PCDHAC2: variants seen among roughly 807,000 people sequenced by gnomAD.
PCDHAC2 encodes protocadherin alpha-C2.
Under a neutral mutation model 63.3 loss-of-function variants are expected in PCDHAC2, and 24 were observed. The observed-to-expected ratio is 0.38, with a 90% CI of 0.27 to 0.53. PCDHAC2 has a LOEUF of 0.53. Among genes scored for constraint, PCDHAC2 ranks in the 20% least tolerant of loss-of-function variants. PCDHAC2 has a pLI of 0.81. For missense variants in PCDHAC2, 1,181 were observed against 1,275.2 expected, an observed-to-expected ratio of 0.93 and a Z score of 1.12; for synonymous variants, 569 against 529.4, an observed-to-expected ratio of 1.07 and a Z score of -1.03.
At chr5:141,003,143 ACT>A (rs1162243146) in intron 3 of PCDHAC2, among the ~76,000 whole-genome samples, 1 of 152,180 alleles carries the variant, frequency 6.6e-6, no homozygotes, top group East Asian at 1.9e-4. Context: ...CTTGGCAAAG[ACT>A]CTGACCTGAT....
At position 140,997,438 on chromosome 5, in the gene PCDHAC2, A is replaced by G. The variant is rs182158337; in HGVS notation, c.2714-12189A>G. ...CTCCTAGGCTACAAACCTGTATATC[A>G]TGTTACTATACTGAATACTGTAGGC... On this transcript the variant is annotated intron_variant, in intron 3 of 3. Transcript: ENST00000289269. Among the ~76,000 whole-genome samples, 274 of 152,308 alleles carry G rather than the reference A, an allele frequency of 1.8e-3. 2 individuals are homozygous for G. The highest frequency in any genetic ancestry group is 6.0e-3 in the African/African-American group (248 of 41,560).
chr5:140,988,526 G>C (rs1330767394), intron 3 of PCDHAC2, among the ~76,000 whole-genome samples: 2 of 152,088 alleles, frequency 1.3e-5, no homozygotes, highest in Admixed American at 1.3e-4. Flanking sequence ...GTCTCTGCTG[G>C]CTCCATCCAT....
At chr5:141,003,178 A>C (rs2098114996) in intron 3 of PCDHAC2, among the ~76,000 whole-genome samples, 1 of 152,180 alleles carries the variant, frequency 6.6e-6, no homozygotes, top group East Asian at 1.9e-4. Context: ...CTGAGGCTCA[A>C]CTCCATCAAC....
chr5:140,976,414 G>A (rs1242756697), intron 1 of PCDHAC2, among the ~76,000 whole-genome samples: 2 of 151,998 alleles, frequency 1.3e-5, no homozygotes, highest in African/African-American at 2.4e-5. Context: ...AGCCAGGTAC[G>A]GTGGCAGATG....
chr5:140,993,523 CAG>C (rs111789518), intron 3 of PCDHAC2, among the ~76,000 whole-genome samples: 1,510 of 145,458 alleles, frequency 0.01, 24 homozygotes, highest in African/African-American at 0.035. Flanking sequence ...GAGAGAGAGA[CAG>C]AGAGAGAGAG....
intron 3 of PCDHAC2, among the ~76,000 whole-genome samples, chr5:140,984,251 T>C (rs1164028325): frequency 6.6e-6 from 1 of 152,210 alleles, no homozygotes; most frequent in Non-Finnish European, 1.5e-5. Flanking sequence ...GTCGACCTGG[T>C]AAGCCACAAA....
rs190283736 is a variant in PCDHAC2 at position 140,986,671 on chromosome 5, A to G, written c.2713+4108A>G. 1.7e-3 allele frequency among the ~76,000 whole-genome samples: 261 copies of G among 152,322 alleles called. 3 individuals carry two copies. The highest frequency in any genetic ancestry group is 2.2e-4 in the Non-Finnish European group (15 of 68,018). ...GTGGGAGATGCTCACAGTTTTCAGA[A>G]GAGTTCAGAAAGTTTCAAAACACAC... On this transcript the variant is annotated intron_variant, in intron 3 of 3. Coordinates refer to ENST00000289269, the MANE Select transcript of PCDHAC2 (RefSeq NM_018899.6).
In PCDHAC2 at chr5:141,007,955, C is replaced by T. The variant is rs192197811; in HGVS notation, c.2714-1672C>T. ...CTAAGCCACCTTTTTGAGAACTGCT[C>T]ATTCTCTGGGTGTCTGTCATGTATA... On this transcript the variant is annotated intron_variant, in intron 3 of 3. Transcript: ENST00000289269. 2.6e-5 allele frequency among the ~76,000 whole-genome samples: 4 copies of T among 152,294 alleles called. No homozygotes were observed. In the East Asian group the frequency reaches 7.7e-4, roughly 29 times the overall value.
In PCDHAC2 at chr5:140,993,462, T is replaced by C. The variant is rs540334246; in HGVS notation, c.2713+10899T>C. ...CATTCCTGTTCTCCTTCTTTCTTTCTCACACACACACACACACACACACAC... is the reference window on the plus strand; with the variant it reads ...CATTCCTGTTCTCCTTCTTTCTTTCCCACACACACACACACACACACACAC... On this transcript the variant is annotated intron_variant, in intron 3 of 3. Transcript: ENST00000289269. Among the ~76,000 whole-genome samples the C allele has an allele frequency of 4.2e-3, 597 of 141,044 alleles. 4 individuals are homozygous for C. Among genetic ancestry groups the C allele is most frequent in the African/African-American group, 0.015 (577 of 37,966 alleles). 92.5% of individuals were successfully genotyped at this position (141,044 alleles called of 152,430 possible).
Position 140,968,527 on chromosome 5 carries a change from G to T in PCDHAC2, c.1761G>T (p.Ser587=). 3.1e-6 allele frequency: 5 copies of T among 1,614,142 alleles called. No homozygotes were observed. Among genetic ancestry groups the T allele is most frequent in the Non-Finnish European group, 4.2e-6 (5 of 1,180,036 alleles). The change falls in exon 1 of 4, where the codon TCG becomes TCT. Residue 587 remains serine (S), a synonymous_variant. Transcript: ENST00000289269. ...PHILYPTSTN[S]SAAFEMVPRT... ...TTCTGTACCCTACCTCAACCAACTC[G>T]TCAGCAGCCTTCGAGATGGTGCCTC...
intron 3 of PCDHAC2, among the ~76,000 whole-genome samples, chr5:140,995,073 C>A (rs2097663037): frequency 6.6e-6 from 1 of 152,180 alleles, no homozygotes; most frequent in Non-Finnish European, 1.5e-5. Context: ...CAACCTACAG[C>A]AATCCAAACT....
intron 3 of PCDHAC2, among the ~76,000 whole-genome samples, chr5:140,985,406 GA>G (rs1554247033): frequency 6.6e-6 from 1 of 152,136 alleles, no homozygotes; most frequent in Non-Finnish European, 1.5e-5. Flanking sequence ...TGTTCCCCTG[GA>G]AATGGAGTGA....
chr5:141,010,052 A>G lies in PCDHAC2; in HGVS notation c.*115A>G. The stretch of plus-strand genomic sequence containing the variant: ...CTACATGAGCCCTCTTAGAGACCTC[A>G]GAAATCTGCAGAAAGTTCCCTGTGT... On this transcript the variant is annotated 3_prime_UTR_variant, in exon 4 of 4. Coordinates refer to ENST00000289269, the MANE Select transcript of PCDHAC2 (RefSeq NM_018899.6). The G allele has an allele frequency of 1.3e-6, 2 of 1,598,970 alleles. No homozygotes were observed. Among genetic ancestry groups the G allele is most frequent in the Non-Finnish European group, 1.7e-6 (2 of 1,172,814 alleles).
chr5:140,967,779 C>G lies in PCDHAC2; in HGVS notation c.1013C>G (p.Thr338Ser). The change falls in exon 1 of 4, where the codon ACT becomes AGT. Residue 338 changes from threonine (T) to serine (S), a missense_variant. By Grantham distance (58) the Thr-to-Ser change is moderately conservative (BLOSUM62 1). This residue lies in a region of PCDHAC2 where 968 missense variants were observed against 1,073.5 expected (regional missense o/e 0.90). Transcript: ENST00000289269. ...TCCTACCAGATCTATGTGCAGGCGA[C>G]TGACCGGGGTCCAGTGCCCATGGCA... ...ASSYQIYVQA[T>S]DRGPVPMAGH... 6.2e-7 allele frequency: 1 copy of G among 1,614,222 alleles called. No individual in the cohort carries two copies. Among genetic ancestry groups the G allele is most frequent in the Non-Finnish European group, 8.5e-7 (1 of 1,180,048 alleles).
chr5:140,969,276 G>T lies in PCDHAC2; in HGVS notation c.2510G>T (p.Gly837Val). 1 of 1,614,202 alleles carries T rather than the reference G, an allele frequency of 6.2e-7. No homozygotes were observed. Among genetic ancestry groups the T allele is most frequent in the Non-Finnish European group, 8.5e-7 (1 of 1,180,030 alleles). ...AGCAGGAATCTCACAGGCCAAAGTGGTCAGAATGCTGGGAACCTGATTATT... is the reference window on the plus strand; with the variant it reads ...AGCAGGAATCTCACAGGCCAAAGTGTTCAGAATGCTGGGAACCTGATTATT... Reference protein sequence around the residue: ...TDSRNLTGQSGQNAGNLIILK... With the variant: ...TDSRNLTGQSVQNAGNLIILK... Residue 837 changes from glycine to valine, a missense_variant, in exon 1 of 4, where the codon GGT becomes GTT. By Grantham distance (109) the Gly-to-Val change is moderately radical (BLOSUM62 -3). Around this residue, in one of 3 missense-constraint regions of PCDHAC2, gnomAD observed 968 missense variants for 1,073.5 expected, o/e 0.90. Transcript: ENST00000289269.
In PCDHAC2 at chr5:140,967,305, A is replaced by G. The variant is rs782005994; in HGVS notation, c.539A>G (p.Asn180Ser). The change falls in exon 1 of 4, where the codon AAC becomes AGC. Residue 180 changes from asparagine (N) to serine (S), a missense_variant. By Grantham distance (46) the Asn-to-Ser change is conservative (BLOSUM62 1). Transcript: ENST00000289269. ...GCGCAGGACCCCGACGTGGGCGCCA[A>G]CTCAGTACAGACCTACGAGCTCAGC... ...ESAQDPDVGA[N>S]SVQTYELSPS... The G allele has an allele frequency of 5.7e-5, 92 of 1,612,346 alleles. 1 individual carries two copies. The South Asian group carries it at 9.7e-4, about 17-fold the overall frequency.
chr5:140,980,819 A>C (rs1178317133), intron 2 of PCDHAC2, among the ~76,000 whole-genome samples: 1 of 152,216 alleles, frequency 6.6e-6, no homozygotes, highest in East Asian at 1.9e-4. Context: ...TGAACATATT[A>C]AATGAGTTGT....
chr5:141,009,892 G>GTTT lies in PCDHAC2; in HGVS notation c.2979_2980insTTT (p.Glu993_Lys994insPhe). 6.2e-7 allele frequency: 1 copy of GTTT among 1,612,140 alleles called. No individual in the cohort carries two copies. Among genetic ancestry groups the GTTT allele is most frequent in the Non-Finnish European group, 8.5e-7 (1 of 1,179,578 alleles). ...AGAAGAAGGGTAACAAGACCCAGGAGAAAAAAGAGAAAGGGAACAGCACGA... is the reference window on the plus strand; with the variant it reads ...AGAAGAAGGGTAACAAGACCCAGGAGTTTAAAAAAGAGAAAGGGAACAGCACGA... On this transcript the variant is annotated inframe_insertion, in exon 4 of 4. Transcript: ENST00000289269.
In PCDHAC2 at chr5:140,968,346, C is replaced by A; in HGVS notation, c.1580C>A (p.Ala527Asp). 2 of 1,614,090 alleles carry A rather than the reference C, an allele frequency of 1.2e-6. No homozygotes were observed. The highest frequency in any genetic ancestry group is 1.7e-6 in the Non-Finnish European group (2 of 1,180,018). ...ACCTCCTATGTCTCCATTAACAGTG[C>A]CAGTGGCAGCCTTTATGCTGTCAAC... ...PVTSYVSINS[A>D]SGSLYAVNSF... Residue 527 changes from alanine to aspartate, a missense_variant, in exon 1 of 4, where the codon GCC becomes GAC. This residue lies in a region of PCDHAC2 where 968 missense variants were observed against 1,073.5 expected (regional missense o/e 0.90). Transcript: ENST00000289269.
Sources: allele counts gnomAD v4.1 joint callset (sites outside exome capture counted in the v4.1 genomes callset), GRCh38; gene constraint gnomAD v4.1.1; regional missense constraint gnomAD v4.1.1; transcripts MANE v1.5; gene names NCBI Gene and HGNC (gene_info 2026-07-23, HGNC 2026-07-21).